Variants in HECW1 observed in about 807,000 individuals in gnomAD.
HECW1 encodes HECT, C2 and WW domain containing E3 ubiquitin protein ligase 1.
Under a neutral mutation model 182.3 loss-of-function variants are expected in HECW1, and 61 were observed. The ratio of observed to expected loss-of-function variants is 0.33; its 90% CI spans 0.27 to 0.41. HECW1 has a LOEUF of 0.41. Ranked by LOEUF, HECW1 falls within the 10% of genes least tolerant of loss-of-function variation. The pLI, the probability that HECW1 is intolerant of heterozygous loss-of-function variation, is 1.00. For synonymous variants in HECW1, 859 were observed against 832.6 expected, an observed-to-expected ratio of 1.03 and a Z score of -0.55; for missense variants, 1,739 against 2,108.9, an observed-to-expected ratio of 0.82 and a Z score of 3.44.
rs975721811 is a variant in HECW1, at chr7:43,355,327, A to G, written c.461-5559A>G. 4.6e-5 allele frequency among the ~76,000 whole-genome samples: 7 copies of G among 152,228 alleles called. 1 individual carries two copies. In the South Asian group the frequency reaches 1.5e-3, roughly 32 times the overall value. ...TGGTGTGCAATCTATTCATATCTCT[A>G]GTAGGAAGCCCAAAAGATAAATTGA... On this transcript the variant is annotated intron_variant, in intron 5 of 29. Coordinates refer to ENST00000395891, the MANE Select transcript of HECW1 (RefSeq NM_015052.5).
chr7:43,262,112 T>C (rs7808508), intron 3 of HECW1, among the ~76,000 whole-genome samples: 23,249 of 151,868 alleles, frequency 0.15, 3,906 homozygotes, highest in African/African-American at 0.42. Flanking sequence ...TCCCAGCTAC[T>C]TGGGAGGCTG....
chr7:43,324,631 T>TA (rs1223345377), intron 5 of HECW1, among the ~76,000 whole-genome samples: 1 of 152,148 alleles, frequency 6.6e-6, no homozygotes, highest in African/African-American at 2.4e-5. Flanking sequence ...TATTATGAAC[T>TA]AAAAATAAGA....
intron 5 of HECW1, among the ~76,000 whole-genome samples, chr7:43,337,995 T>A (rs2152798172): frequency 6.6e-6 from 1 of 152,344 alleles, no homozygotes; most frequent in Non-Finnish European, 1.5e-5. Context: ...GTGCTTTGAG[T>A]TGCCATGTCC....
chr7:43,366,680 A>C (rs1029940177), intron 6 of HECW1, among the ~76,000 whole-genome samples: 12 of 152,190 alleles, frequency 7.9e-5, no homozygotes, highest in African/African-American at 2.9e-4. Context: ...GTTCCAATAA[A>C]CATCAATCAC....
At chr7:43,273,632 T>C (rs1802700349) in intron 3 of HECW1, among the ~76,000 whole-genome samples, 3 of 152,028 alleles carry the variant, frequency 2.0e-5, no homozygotes, top group Non-Finnish European at 4.4e-5. Context: ...AAAATATGGA[T>C]AAATAAGTTA....
At chr7:43,464,361 A>C (rs2077687904) in intron 14 of HECW1, among the ~76,000 whole-genome samples, 1 of 152,170 alleles carries the variant, frequency 6.6e-6, no homozygotes, top group African/African-American at 2.4e-5. Flanking sequence ...GTTTTCCAGC[A>C]TGCCACAGGA....
At chr7:43,200,412 A>AC (rs1340093490) in intron 2 of HECW1, among the ~76,000 whole-genome samples, 2 of 152,242 alleles carry the variant, frequency 1.3e-5, no homozygotes, top group Non-Finnish European at 2.9e-5. Flanking sequence ...TCAATTAGTC[A>AC]AATGATCACC....
rs545781737 is a variant in HECW1, at chr7:43,461,808, C to G, written c.2652-1852C>G. Among the ~76,000 whole-genome samples the G allele has an allele frequency of 4.6e-5, 7 of 152,326 alleles. No homozygotes were observed. The South Asian group carries it at 1.5e-3, about 32-fold the overall frequency. The stretch of plus-strand genomic sequence containing the variant: ...CTCAGGAAATGCCTTGCAGTAACCA[C>G]TACAGGCAAAGGTGGCTTCTGAAAG... On this transcript the variant is annotated intron_variant, in intron 13 of 29. Coordinates refer to ENST00000395891, the MANE Select transcript of HECW1 (RefSeq NM_015052.5).
intron 2 of HECW1, among the ~76,000 whole-genome samples, chr7:43,125,014 A>G (rs1472694424): frequency 1.3e-5 from 2 of 152,134 alleles, no homozygotes; most frequent in African/African-American, 4.8e-5. Flanking sequence ...TATTTCTTAC[A>G]GTTGTGGAGG....
intron 7 of HECW1, among the ~76,000 whole-genome samples, chr7:43,401,715 T>G (rs2152841153): frequency 6.6e-6 from 1 of 151,772 alleles, no homozygotes; most frequent in Non-Finnish European, 1.5e-5. Context: ...TACCAAGTGA[T>G]ACGGACAGGA....
At chr7:43,155,169 A>G (rs903531121) in intron 2 of HECW1, among the ~76,000 whole-genome samples, 4 of 152,226 alleles carry the variant, frequency 2.6e-5, no homozygotes, top group South Asian at 2.1e-4. Context: ...TTGCTCTACC[A>G]AGTGAGACCA....
intron 2 of HECW1, among the ~76,000 whole-genome samples, chr7:43,199,701 T>C (rs115624289): frequency 0.011 from 1,622 of 152,276 alleles, 31 homozygotes; most frequent in African/African-American, 0.036. Context: ...TGATTACACA[T>C]GTTATATATT....
intron 5 of HECW1, among the ~76,000 whole-genome samples, chr7:43,348,912 C>T (rs1376384554): frequency 2.6e-5 from 4 of 152,136 alleles, no homozygotes; most frequent in African/African-American, 9.7e-5. Context: ...TTTATTGAGG[C>T]TCATTTTATG....
intron 8 of HECW1, among the ~76,000 whole-genome samples, chr7:43,408,941 C>G (rs1269381197): frequency 6.6e-6 from 1 of 152,196 alleles, no homozygotes; most frequent in Non-Finnish European, 1.5e-5. Context: ...TTAGATTACC[C>G]TCATCAGCCT....
intron 24 of HECW1, among the ~76,000 whole-genome samples, chr7:43,523,962 A>C (rs2080644950): frequency 6.6e-6 from 1 of 152,160 alleles, no homozygotes; most frequent in Admixed American, 6.5e-5. Context: ...GTGATGCCTA[A>C]GGCAAAAAAC....
intron 21 of HECW1, among the ~76,000 whole-genome samples, chr7:43,505,389 C>T (rs2079535200): frequency 6.6e-6 from 1 of 152,166 alleles, no homozygotes; most frequent in African/African-American, 2.4e-5. Flanking sequence ...TCTTTGAATC[C>T]CCCTTGGTCC....
chr7:43,230,576 G>C (rs1018390258), intron 2 of HECW1, among the ~76,000 whole-genome samples: 1 of 152,088 alleles, frequency 6.6e-6, no homozygotes, highest in African/African-American at 2.4e-5. Context: ...TTAATATCCT[G>C]ATTTTTATAA....
intron 2 of HECW1, among the ~76,000 whole-genome samples, chr7:43,175,688 T>C (rs1313422769): frequency 6.6e-6 from 1 of 152,178 alleles, no homozygotes; most frequent in Non-Finnish European, 1.5e-5. Context: ...GGATGTAAGA[T>C]GAAGTGTTTT....
intron 8 of HECW1, among the ~76,000 whole-genome samples, chr7:43,417,749 A>G (rs921539325): frequency 2.6e-5 from 4 of 152,226 alleles, no homozygotes; most frequent in Non-Finnish European, 2.9e-5. Flanking sequence ...ATAGTTTCCA[A>G]TAATAAATCT....
Sources: gnomAD v4.1 joint callset for allele counts (sites outside exome capture counted in the v4.1 genomes callset) on GRCh38, gnomAD v4.1.1 for gene constraint, MANE v1.5 for transcripts, NCBI Gene and HGNC (gene_info 2026-07-23, HGNC 2026-07-21) for gene names.